The following ESR1 variants were observed in gnomAD, a reference collection of about 807,000 sequenced individuals.
ESR1 encodes the protein estrogen receptor.
In ESR1, 12 loss-of-function variants were observed where a neutral mutation model predicts 52.7. The observed-to-expected ratio is 0.23, with a 90% CI of 0.15 to 0.37. The LOEUF (loss-of-function observed/expected upper bound fraction) is 0.37, where lower values mean the gene tolerates loss of function less well. ESR1 is among the 10% of genes least tolerant of loss of function. The pLI is 1.00. For missense variants in ESR1, 584 were observed against 779.7 expected (o/e 0.75, Z 2.99); for synonymous variants, 305 against 316.8 (o/e 0.96, Z 0.39).
chr6:151,954,183 C>T (rs2036646272), intron 4 of ESR1, among the ~76,000 whole-genome samples: 1 of 152,156 alleles, frequency 6.6e-6, no homozygotes, highest in South Asian at 2.1e-4. Flanking sequence ...ATTCTGTTGC[C>T]TTGGTTACTA....
intron 6 of ESR1, among the ~76,000 whole-genome samples, chr6:152,124,091 A>C (rs1023116489): frequency 2.0e-5 from 3 of 152,226 alleles, no homozygotes; most frequent in Non-Finnish European, 4.4e-5. Flanking sequence ...TGGGAGGCTG[A>C]GGTTGGCGGA....
upstream of ESR1, among the ~76,000 whole-genome samples, chr6:151,687,723 G>C (rs1391092915): frequency 6.6e-6 from 1 of 152,048 alleles, no homozygotes; most frequent in East Asian, 1.9e-4. Flanking sequence ...ATCACAAAAA[G>C]GTTGGAACCT....
At chr6:151,869,340 C>A (rs1016442360) in intron 2 of ESR1, among the ~76,000 whole-genome samples, 2 of 152,108 alleles carry the variant, frequency 1.3e-5, no homozygotes, top group Non-Finnish European at 2.9e-5. Flanking sequence ...TCACACCAGT[C>A]GTCACAATTC....
chr6:151,956,420 C>T (rs1240175394), intron 4 of ESR1, among the ~76,000 whole-genome samples: 3 of 152,210 alleles, frequency 2.0e-5, no homozygotes, highest in Non-Finnish European at 2.9e-5. Context: ...CCATTTCACA[C>T]ATGAAGGAGC....
intron 4 of ESR1, among the ~76,000 whole-genome samples, chr6:151,993,575 C>T (rs1042317845): frequency 1.3e-5 from 2 of 152,218 alleles, no homozygotes; most frequent in African/African-American, 4.8e-5. Context: ...GCTCTGGCTC[C>T]TTGCAGATCC....
chr6:151,899,776 C>T (rs1032346840), intron 3 of ESR1, among the ~76,000 whole-genome samples: 1 of 149,448 alleles, frequency 6.7e-6, no homozygotes, highest in Non-Finnish European at 1.5e-5. Context: ...AGGGCAGAGG[C>T]GCTCCCCACA....
At chr6:151,958,720 T>C (rs2037289648) in intron 4 of ESR1, among the ~76,000 whole-genome samples, 1 of 152,166 alleles carries the variant, frequency 6.6e-6, no homozygotes, top group Non-Finnish European at 1.5e-5. Context: ...ACAGTTCTTA[T>C]ATTGAAGGGA....
At position 151,932,912 on chromosome 6, in the gene ESR1, G is replaced by T. The variant is rs543327529; in HGVS notation, c.761-11261G>T. 9.8e-3 allele frequency among the ~76,000 whole-genome samples: 1,465 copies of T among 149,132 alleles called. 24 individuals are homozygous for T. The highest frequency in any genetic ancestry group is 0.032 in the African/African-American group (1,306 of 40,894). ...TGATGCCTCCAGCTTTGTTCTTTTG[G>T]CTTAGGATTGACTTGGCGATGTGGG... On this transcript the variant is annotated intron_variant, in intron 3 of 7. Coordinates refer to ENST00000206249, the MANE Select transcript of ESR1 (RefSeq NM_000125.4).
chr6:151,752,781 G>A (rs1783996844), intron 2 of ESR1, among the ~76,000 whole-genome samples: 1 of 152,182 alleles, frequency 6.6e-6, no homozygotes. Flanking sequence ...AGGGTTCTGA[G>A]CAGTATGATG....
chr6:151,960,108 A>T (rs1278811820), intron 4 of ESR1, among the ~76,000 whole-genome samples: 2 of 152,200 alleles, frequency 1.3e-5, no homozygotes, highest in Non-Finnish European at 1.5e-5. Context: ...AAAAAAACTT[A>T]GAGAAAAACT....
rs1380975058 is a variant in ESR1, at chr6:151,909,253, A to G, written c.760+28482A>G. Among the ~76,000 whole-genome samples, 5 of 152,194 alleles carry G rather than the reference A, an allele frequency of 3.3e-5. No individual in the cohort carries two copies. In the East Asian group the frequency reaches 9.6e-4, roughly 29 times the overall value. On this transcript the variant is annotated intron_variant, in intron 3 of 7. Coordinates refer to ENST00000206249, the MANE Select transcript of ESR1 (RefSeq NM_000125.4). The stretch of plus-strand genomic sequence containing the variant: ...AACCCTGTTCTTTGGCACAGCTTCC[A>G]TGGCCTGCTAGCCGTTTACAGCGAG...
At chr6:151,683,700 T>A (rs114358318) in intron 1 of ESR1, among the ~76,000 whole-genome samples, 1 of 151,580 alleles carries the variant, frequency 6.6e-6, no homozygotes, top group Non-Finnish European at 1.5e-5. Flanking sequence ...CATACATTTT[T>A]TTTTCTTTTT....
chr6:152,127,638 A>G (rs2053957986), exon 7 of ESR1: 1 of 152,166 alleles, frequency 6.6e-6, no homozygotes, highest in Admixed American at 6.5e-5. Context: ...AGCAACAGAG[A>G]AACCTATCGG....
chr6:151,943,411 A>T (rs2035337685), intron 3 of ESR1, among the ~76,000 whole-genome samples: 1 of 124,558 alleles, frequency 8.0e-6, no homozygotes, highest in African/African-American at 4.0e-5. Context: ...AAAAACAAAA[A>T]AAAAACCACC....
chr6:151,890,515 T>C (rs1182754183), intron 3 of ESR1, among the ~76,000 whole-genome samples: 2 of 152,238 alleles, frequency 1.3e-5, no homozygotes, highest in African/African-American at 4.8e-5. Context: ...TGCTAAAGTA[T>C]AGTTTAAGTT....
chr6:151,729,568 G>C (rs118019460), intron 2 of ESR1, among the ~76,000 whole-genome samples: 1 of 152,154 alleles, frequency 6.6e-6, no homozygotes, highest in South Asian at 2.1e-4. Flanking sequence ...GTAGGGTAAA[G>C]GAAAGTAGGT....
intron 4 of ESR1, among the ~76,000 whole-genome samples, chr6:152,000,117 G>A (rs1047125995): frequency 3.9e-5 from 6 of 152,010 alleles, no homozygotes; most frequent in African/African-American, 1.4e-4. Flanking sequence ...GAATGTGATA[G>A]ATACTTTTTA....
intron 2 of ESR1, among the ~76,000 whole-genome samples, chr6:151,780,018 A>G (rs1029687714): frequency 6.6e-6 from 1 of 152,150 alleles, no homozygotes; most frequent in Non-Finnish European, 1.5e-5. Context: ...GGAAACCATC[A>G]TTCTCAGCAA....
chr6:151,937,252 A>T lies in ESR1; in HGVS notation c.761-6921A>T, dbSNP rs2034473593. ...TAATCCCAATATAAAAAATACATAT[A>T]AAAGCGTAGCTGCTCTAGACAAAAT... is the stretch of plus-strand genomic sequence containing the variant. On this transcript the variant is annotated intron_variant, in intron 3 of 7. Coordinates refer to ENST00000206249, the MANE Select transcript of ESR1 (RefSeq NM_000125.4). 2.0e-5 allele frequency among the ~76,000 whole-genome samples: 3 copies of T among 152,318 alleles called. No individual in the cohort carries two copies. The South Asian group carries it at 6.2e-4, about 32-fold the overall frequency.
Sources: gnomAD v4.1 joint callset for allele counts (sites outside exome capture counted in the v4.1 genomes callset) on GRCh38, gnomAD v4.1.1 for gene constraint, MANE v1.5 for transcripts, NCBI Gene and HGNC (gene_info 2026-07-23, HGNC 2026-07-21) for gene names.